Variants in KIF11 observed in about 807,000 individuals in gnomAD.
The protein encoded by KIF11 is kinesin family member 11.
A neutral mutation model predicts 121.0 loss-of-function variants in KIF11; 9 were observed. That is an observed-to-expected ratio of 0.07 (90% CI 0.04 to 0.13). The LOEUF (loss-of-function observed/expected upper bound fraction) is 0.13. KIF11 is among the 10% of genes least tolerant of loss of function. The pLI is 1.00. For missense variants in KIF11, 846 were observed against 1,217.5 expected (o/e 0.69, Z 4.54); for synonymous variants, 408 against 421.0 (o/e 0.97, Z 0.38).
intron 18 of KIF11, 104 bp from the exon 19 acceptor site, chr10:92,648,108 C>CA (rs34357393): frequency 0.043 from 29,097 of 674,806 alleles, no homozygotes; most frequent in Non-Finnish European, 0.05. Flanking sequence ...GACTTGTCTC[C>CA]AAAAAAAAAA....
chr10:92,596,263 T>G (rs1844295177), intron 1 of KIF11, among the ~76,000 whole-genome samples: 1 of 152,326 alleles, frequency 6.6e-6, no homozygotes, highest in East Asian at 1.9e-4. Flanking sequence ...TTGGCCTCCC[T>G]AAGAGCCGGG....
intron 14 of KIF11, among the ~76,000 whole-genome samples, chr10:92,635,934 A>G (rs1319455853): frequency 6.6e-6 from 1 of 152,224 alleles, no homozygotes; most frequent in East Asian, 1.9e-4. Context: ...GTAGACCTAT[A>G]AGTATTTACT....
At chr10:92,631,307 A>C (rs1205543832) in intron 12 of KIF11, among the ~76,000 whole-genome samples, 1 of 151,916 alleles carries the variant, frequency 6.6e-6, no homozygotes, top group East Asian at 1.9e-4. Context: ...AAAAAAAAAA[A>C]AAAGAATTTA....
At chr10:92,646,076 C>G (rs1044613529) in intron 18 of KIF11, among the ~76,000 whole-genome samples, 2 of 151,448 alleles carry the variant, frequency 1.3e-5, no homozygotes, top group African/African-American at 4.8e-5. Context: ...CTCAGCCTCT[C>G]GAGTAGTTGG....
In KIF11 at chr10:92,593,243, CG is replaced by C; in HGVS notation, c.-132del. ...GAGAGCGGGGACGCCGACCTGCGTG[CG>C]TCGGTCCTCCAGGCCACGCCAGCGC... On this transcript the variant is annotated 5_prime_UTR_variant, in exon 1 of 22. Coordinates refer to ENST00000260731, the MANE Select transcript of KIF11 (RefSeq NM_004523.4). 3 of 776,200 alleles carry C rather than the reference CG, an allele frequency of 3.9e-6. No individual in the cohort carries two copies. The highest frequency in any genetic ancestry group is 1.8e-5 in the African/African-American group (1 of 56,360). 48.1% of individuals were successfully genotyped at this position (776,200 alleles called of 1,614,324 possible). A position where few individuals can be genotyped will look rare whatever the true frequency, so the allele number is the denominator to read the frequency against.
intron 21 of KIF11, 77 bp downstream of exon 21, chr10:92,650,594 G>T: frequency 1.2e-6 from 1 of 848,816 alleles, no homozygotes; most frequent in South Asian, 1.4e-5. Context: ...TATTGTTCGT[G>T]GTGAGCAGAA....
In KIF11 at chr10:92,648,376, T is replaced by C. The variant is rs749007130; in HGVS notation, c.2712T>C (p.Ile904=). The C allele has an allele frequency of 6.2e-7, 1 of 1,613,204 alleles. No homozygotes were observed. Among genetic ancestry groups the C allele is most frequent in the East Asian group, 2.2e-5 (1 of 44,836 alleles). ...TAGAACTTAATGAAACCATAAAAAT[T>C]GGTTTGACTAAGCTTAATTGCTTTC... ...QNLELNETIK[I]GLTKLNCFLE... is the part of the protein sequence containing the mutation. Residue 904 remains isoleucine (I), a synonymous_variant, in exon 19 of 22, where the codon ATT becomes ATC. Transcript: ENST00000260731.
At chr10:92,595,861 A>T (rs902203261) in intron 1 of KIF11, among the ~76,000 whole-genome samples, 1 of 152,192 alleles carries the variant, frequency 6.6e-6, no homozygotes, top group African/African-American at 2.4e-5. Context: ...CCACTTAGGC[A>T]TAATGTCCTC....
rs117629898 is a variant in KIF11, at chr10:92,623,153, G to T, written c.1217+1680G>T. On this transcript the variant is annotated intron_variant, in intron 10 of 21. Coordinates refer to ENST00000260731, the MANE Select transcript of KIF11 (RefSeq NM_004523.4). ...TGTATAGATTTGTGTAACCACCACTGCAATCAAGATACAGAACTATCCTAT... is the reference window on the plus strand; with the variant it reads ...TGTATAGATTTGTGTAACCACCACTTCAATCAAGATACAGAACTATCCTAT... Among the ~76,000 whole-genome samples, 47 of 152,240 alleles carry T rather than the reference G, an allele frequency of 3.1e-4. 1 individual carries two copies. The East Asian group carries it at 9.1e-3, about 29-fold the overall frequency.
intron 1 of KIF11, among the ~76,000 whole-genome samples, chr10:92,597,674 G>A (rs558674848): frequency 1.3e-5 from 2 of 151,286 alleles, no homozygotes; most frequent in South Asian, 2.1e-4. Flanking sequence ...TTTTTGAGAC[G>A]GAATTTTGCT....
intron 1 of KIF11, among the ~76,000 whole-genome samples, chr10:92,599,663 T>TTTTC (rs1564702023): frequency 5.8e-5 from 7 of 120,970 alleles, no homozygotes; most frequent in African/African-American, 2.8e-4. Flanking sequence ...CTTTTCTTTT[T>TTTTC]TTTTTTTTGA....
rs544872883 is a variant in KIF11 at position 92,625,472 on chromosome 10, C to T, written c.1218-3336C>T. On this transcript the variant is annotated intron_variant, in intron 10 of 21. Transcript: ENST00000260731. Reference sequence around the variant, plus strand: ...CAAGCGATTCTCCTGCCTCAGCCTCCGAAGTAGCTGGGATTACAGGTGCCT... The same window carrying T: ...CAAGCGATTCTCCTGCCTCAGCCTCTGAAGTAGCTGGGATTACAGGTGCCT... Among the ~76,000 whole-genome samples the T allele has an allele frequency of 4.2e-4, 64 of 151,868 alleles. 2 individuals are homozygous for T. Among genetic ancestry groups the T allele is most frequent in the Admixed American group, 3.2e-3 (49 of 15,238 alleles).
intron 14 of KIF11, among the ~76,000 whole-genome samples, chr10:92,634,526 G>A (rs551358306): frequency 1.3e-5 from 2 of 151,718 alleles, no homozygotes; most frequent in South Asian, 2.1e-4. Context: ...CACCCACCTC[G>A]GCCTCCCAAA....
chr10:92,647,007 C>T (rs1844927154), intron 18 of KIF11, among the ~76,000 whole-genome samples: 2 of 152,208 alleles, frequency 1.3e-5, no homozygotes, highest in South Asian at 4.1e-4. Flanking sequence ...TGATCAAAAG[C>T]TGTTGGGGAA....
At chr10:92,634,830 G>T (rs1310322258) in intron 14 of KIF11, among the ~76,000 whole-genome samples, 1 of 152,096 alleles carries the variant, frequency 6.6e-6, no homozygotes, top group Non-Finnish European at 1.5e-5. Context: ...AACCAGAAGG[G>T]GATATTGGGT....
chr10:92,601,672 T>C (rs1013746267), intron 1 of KIF11, among the ~76,000 whole-genome samples: 1 of 152,002 alleles, frequency 6.6e-6, no homozygotes, highest in Non-Finnish European at 1.5e-5. Flanking sequence ...GCTGGGACTA[T>C]AGACACACTA....
rs565781291 is a variant in KIF11 at position 92,645,516 on chromosome 10, C to T, written c.2421C>T (p.Asn807=). ...SVKHSDKLNG[N]LEKISQETEQ... is the part of the protein sequence containing the mutation. ...AACACTCTGATAAACTCAATGGCAA[C>T]CTGGAAAAAATATCTCAAGAGACTG... The change falls in exon 18 of 22, where the codon AAC becomes AAT. Residue 807 remains asparagine (N), a synonymous_variant. Transcript: ENST00000260731. 20 of 1,613,880 alleles carry T rather than the reference C, an allele frequency of 1.2e-5. No individual in the cohort carries two copies. The highest frequency in any genetic ancestry group is 1.4e-5 in the Non-Finnish European group (17 of 1,179,906).
chr10:92,600,788 C>T (rs1844360175), intron 1 of KIF11, among the ~76,000 whole-genome samples: 1 of 152,206 alleles, frequency 6.6e-6, no homozygotes, highest in African/African-American at 2.4e-5. Flanking sequence ...GTGTGAGCCA[C>T]CACGCCCGGC....
chr10:92,613,025 G>T lies in KIF11; in HGVS notation c.699-15G>T. On this transcript the variant is annotated splice_polypyrimidine_tract_variant and intron_variant, in intron 6 of 21. Transcript: ENST00000260731. This position sits in a 1 kb window ranked among gnomAD's most constrained non-coding sequence, Gnocchi z 4.2. ...TTACATTATAATGACTGGGCAACTT[G>T]ATATTGTTTTCTAGTCGTTCCCACT... The T allele has an allele frequency of 6.8e-7, 1 of 1,480,248 alleles. No individual in the cohort carries two copies. Among genetic ancestry groups the T allele is most frequent in the Non-Finnish European group, 9.4e-7 (1 of 1,066,140 alleles). 91.7% of individuals were successfully genotyped at this position (1,480,248 alleles called of 1,614,324 possible). A position where few individuals can be genotyped will look rare whatever the true frequency, so the allele number is the denominator to read the frequency against.
Sources: allele counts gnomAD v4.1 joint callset (sites outside exome capture counted in the v4.1 genomes callset), GRCh38; gene constraint gnomAD v4.1.1; non-coding constraint Gnocchi (gnomAD v3.1); transcripts MANE v1.5; gene names NCBI Gene and HGNC (gene_info 2026-07-23, HGNC 2026-07-21).